The following DDR2 variants were observed in gnomAD, a reference collection of about 807,000 sequenced individuals.
DDR2 encodes the protein discoidin domain-containing receptor 2.
In DDR2, 27 loss-of-function variants were observed where a neutral mutation model predicts 94.9. The ratio of observed to expected loss-of-function variants is 0.28; its 90% CI spans 0.21 to 0.39. The LOEUF (loss-of-function observed/expected upper bound fraction) is 0.39. DDR2 is among the 10% of genes least tolerant of loss of function. DDR2 has a pLI of 1.00. For missense variants in DDR2, 783 were observed against 1,076.0 expected (o/e 0.73, Z 3.81); for synonymous variants, 382 against 377.2 (o/e 1.01, Z -0.15).
At chr1:162,730,672 C>T (rs1429592841) in intron 3 of DDR2, among the ~76,000 whole-genome samples, 1 of 152,156 alleles carries the variant, frequency 6.6e-6, no homozygotes, top group Admixed American at 6.5e-5. Flanking sequence ...GGATGTAAGC[C>T]TGAATTCTTG....
intron 3 of DDR2, among the ~76,000 whole-genome samples, chr1:162,722,366 G>A (rs1195385508): frequency 1.3e-5 from 2 of 152,194 alleles, no homozygotes; most frequent in African/African-American, 4.8e-5. Flanking sequence ...ACATGAAGGT[G>A]TATATACATA....
At chr1:162,650,319 G>A (rs1389876999) in intron 1 of DDR2, among the ~76,000 whole-genome samples, 2 of 152,102 alleles carry the variant, frequency 1.3e-5, no homozygotes, top group Admixed American at 1.3e-4. Flanking sequence ...TAACAGGCCA[G>A]GTGTGGTGGC....
intron 1 of DDR2, among the ~76,000 whole-genome samples, chr1:162,650,425 ATC>A (rs1244433698): frequency 6.6e-6 from 1 of 152,126 alleles, no homozygotes; most frequent in African/African-American, 2.4e-5. Flanking sequence ...GTGAAAGCCC[ATC>A]TCTACTAAAA....
intron 2 of DDR2, among the ~76,000 whole-genome samples, chr1:162,691,633 G>A (rs967768763): frequency 2.0e-5 from 3 of 152,112 alleles, no homozygotes; most frequent in South Asian, 2.1e-4. Flanking sequence ...GTGGGGAGGC[G>A]GTACCCTGAT....
At chr1:162,677,238 C>T (rs113492633) in intron 2 of DDR2, among the ~76,000 whole-genome samples, 3 of 152,198 alleles carry the variant, frequency 2.0e-5, no homozygotes, top group South Asian at 2.1e-4. Flanking sequence ...CCTAAGGGTC[C>T]GGGCAGGATG....
intron 1 of DDR2, among the ~76,000 whole-genome samples, chr1:162,640,329 C>T (rs937923581): frequency 5.3e-5 from 8 of 152,174 alleles, no homozygotes; most frequent in South Asian, 2.1e-4. Flanking sequence ...TGTGAGCCAC[C>T]GCGCCCAGCT....
chr1:162,678,084 C>T (rs1659224921), intron 2 of DDR2, among the ~76,000 whole-genome samples: 1 of 152,110 alleles, frequency 6.6e-6, no homozygotes, highest in African/African-American at 2.4e-5. Flanking sequence ...GCTCTGCAGA[C>T]AGATCTTTCA....
chr1:162,695,144 T>C (rs1411276788), intron 2 of DDR2, among the ~76,000 whole-genome samples: 1 of 152,232 alleles, frequency 6.6e-6, no homozygotes, highest in African/African-American at 2.4e-5. Flanking sequence ...GGACATTCTT[T>C]CCAATTTATT....
rs370204195 is a variant in DDR2, at chr1:162,761,306, C to T, written c.951C>T (p.Ala317=). ...AAGCCAGTGAGTGGGAACCTAATGC[C>T]ATTTCCTTCCCCCTTGTCCTGGATG... ...RSEASEWEPN[A]ISFPLVLDDV... The change falls in exon 9 of 18, where the codon GCC becomes GCT. Residue 317 remains alanine (A), a synonymous_variant. Transcript: ENST00000367921. The T allele has an allele frequency of 1.2e-6, 2 of 1,614,166 alleles. No homozygotes were observed. The highest frequency in any genetic ancestry group is 1.7e-6 in the Non-Finnish European group (2 of 1,180,028).
intron 17 of DDR2, among the ~76,000 whole-genome samples, chr1:162,779,531 T>C (rs1647782052): frequency 6.6e-6 from 1 of 152,176 alleles, no homozygotes; most frequent in South Asian, 2.1e-4. Context: ...CAAAGATAGA[T>C]AAGGTATTGA....
intron 3 of DDR2, among the ~76,000 whole-genome samples, chr1:162,746,372 T>G (rs1017654195): frequency 8.5e-5 from 13 of 152,178 alleles, no homozygotes; most frequent in Admixed American, 7.2e-4. Flanking sequence ...TGCTCACTGC[T>G]AGCACACCAG....
At chr1:162,721,964 G>C (rs1162296578) in intron 3 of DDR2, among the ~76,000 whole-genome samples, 1 of 152,110 alleles carries the variant, frequency 6.6e-6, no homozygotes, top group African/African-American at 2.4e-5. Context: ...ATGACTATTG[G>C]TCAATAAGCC....
chr1:162,653,532 T>C (rs1015955848), intron 1 of DDR2, among the ~76,000 whole-genome samples: 21 of 151,448 alleles, frequency 1.4e-4, no homozygotes, highest in African/African-American at 4.8e-4. Context: ...GCTGAGATCA[T>C]GGATCGTGCC....
At chr1:162,741,401 T>C (rs1013629672) in intron 3 of DDR2, among the ~76,000 whole-genome samples, 5 of 150,774 alleles carry the variant, frequency 3.3e-5, no homozygotes, top group African/African-American at 7.3e-5. Flanking sequence ...AACGTCATGC[T>C]GGTGTTCAAA....
chr1:162,707,392 T>C lies in DDR2; in HGVS notation c.-27-11645T>C, dbSNP rs545771473. On this transcript the variant is annotated intron_variant, in intron 2 of 17. Transcript: ENST00000367921. ...CTTGCTTTCTTTCTCCCTCTCACAA[T>C]TGAAGGTCTTCCTGAGCCTTTGCCT... Among the ~76,000 whole-genome samples the C allele has an allele frequency of 1.7e-3, 253 of 152,360 alleles. 1 individual carries two copies. The highest frequency in any genetic ancestry group is 6.8e-3 in the Middle Eastern group (2 of 294).
intron 12 of DDR2, 94 bp downstream of exon 12, chr1:162,770,606 T>G: frequency 8.2e-7 from 1 of 1,223,698 alleles, no homozygotes; most frequent in Non-Finnish European, 1.2e-6. Context: ...TTGCATCTAT[T>G]TTTAGTCTCT....
chr1:162,755,862 A>C, intron 7 of DDR2, 93 bp downstream of exon 7: 2 of 1,097,998 alleles, frequency 1.8e-6, no homozygotes, highest in Non-Finnish European at 2.8e-6. Flanking sequence ...CAATCAACCA[A>C]TCAGTATTTA....
chr1:162,765,143 G>A (rs1210795598), intron 9 of DDR2, among the ~76,000 whole-genome samples: 1 of 152,024 alleles, frequency 6.6e-6, no homozygotes, highest in African/African-American at 2.4e-5. Context: ...GATTCTCCTG[G>A]CATAGTAACT....
At chr1:162,668,823 T>C (rs531944120) in intron 2 of DDR2, among the ~76,000 whole-genome samples, 16 of 152,304 alleles carry the variant, frequency 1.1e-4, no homozygotes, top group African/African-American at 1.9e-4. Context: ...TATTTGGAAA[T>C]AGGGTCTTTC....
Sources: allele counts gnomAD v4.1 joint callset (sites outside exome capture counted in the v4.1 genomes callset), GRCh38; gene constraint gnomAD v4.1.1; transcripts MANE v1.5; gene names NCBI Gene and HGNC (gene_info 2026-07-23, HGNC 2026-07-21).